The following CXCL13 variants were observed in gnomAD, a reference collection of about 807,000 sequenced individuals.
CXCL13 encodes the protein C-X-C motif chemokine 13.
In CXCL13, 7 loss-of-function variants were observed where a neutral mutation model predicts 12.2. The ratio of observed to expected loss-of-function variants is 0.57; its 90% CI spans 0.33 to 1.07. The LOEUF is 1.07. CXCL13 is among the 50% of genes least tolerant of loss of function. The probability of loss-of-function intolerance (pLI) is 0.04; values close to 1 mark genes in which losing one functional copy is unlikely to be tolerated. For missense variants in CXCL13, 113 were observed against 127.4 expected, an observed-to-expected ratio of 0.89 and a Z score of 0.55; for synonymous variants, 47 against 42.4, an observed-to-expected ratio of 1.11 and a Z score of -0.42.
chr4:77,597,870 G>A (rs1318616522), intron 1 of CXCL13, among the ~76,000 whole-genome samples: 1 of 152,212 alleles, frequency 6.6e-6, no homozygotes, highest in East Asian at 1.9e-4. Flanking sequence ...GAAATGAAAA[G>A]ACTAGGAGAG....
At chr4:77,524,412 G>C (rs377064757) in intron 1 of CXCL13, among the ~76,000 whole-genome samples, 4 of 152,342 alleles carry the variant, frequency 2.6e-5, no homozygotes, top group Middle Eastern at 3.4e-3. Flanking sequence ...CAGCCACTTT[G>C]TTTACCTACT....
intron 1 of CXCL13, among the ~76,000 whole-genome samples, chr4:77,519,986 T>G (rs1476476799): frequency 5.9e-5 from 9 of 152,334 alleles, no homozygotes; most frequent in Non-Finnish European, 1.2e-4. Flanking sequence ...TTTCTCCATT[T>G]CTTGTTTTTG....
chr4:77,579,298 G>A (rs1268744168), intron 1 of CXCL13, among the ~76,000 whole-genome samples: 2 of 152,182 alleles, frequency 1.3e-5, no homozygotes, highest in Non-Finnish European at 2.9e-5. Context: ...AGGCTCTTAA[G>A]GAGTCAATCT....
intron 1 of CXCL13, among the ~76,000 whole-genome samples, chr4:77,549,288 C>A (rs945374285): frequency 1.3e-5 from 2 of 152,148 alleles, no homozygotes; most frequent in African/African-American, 4.8e-5. Flanking sequence ...AGAATATGTT[C>A]CTTTAGCTCG....
At chr4:77,575,038 A>G (rs1328446623) in intron 1 of CXCL13, among the ~76,000 whole-genome samples, 1 of 151,998 alleles carries the variant, frequency 6.6e-6, no homozygotes, top group Non-Finnish European at 1.5e-5. Context: ...TGTAAAAATT[A>G]GCTTGCAAAA....
intron 2 of CXCL13, 138 bp from the exon 3 acceptor site, chr4:77,610,462 CTACAAATCACCTAT>C (rs1331713403): frequency 1.6e-6 from 1 of 625,538 alleles, no homozygotes; most frequent in Non-Finnish European, 2.8e-6. Context: ...TGACCCCATA[CTACAAATCACCTAT>C]TCCAGATCCC....
chr4:77,549,450 G>A (rs1006482747), intron 1 of CXCL13, among the ~76,000 whole-genome samples: 3 of 152,164 alleles, frequency 2.0e-5, no homozygotes, highest in Non-Finnish European at 4.4e-5. Flanking sequence ...TTTCTGTTCT[G>A]GTTTCTCCCC....
chr4:77,513,654 A>G (rs910428396), intron 1 of CXCL13, among the ~76,000 whole-genome samples: 2 of 151,942 alleles, frequency 1.3e-5, no homozygotes, highest in African/African-American at 4.8e-5. Flanking sequence ...GGGTTTTACC[A>G]TGTTAGCCAG....
intron 1 of CXCL13, among the ~76,000 whole-genome samples, chr4:77,597,535 G>C (rs1018751805): frequency 6.6e-6 from 1 of 152,124 alleles, no homozygotes; most frequent in Non-Finnish European, 1.5e-5. Flanking sequence ...AAGGCAGGAA[G>C]GGGCCGCCTT....
At chr4:77,532,449 C>G (rs953309515) in intron 1 of CXCL13, among the ~76,000 whole-genome samples, 1 of 152,124 alleles carries the variant, frequency 6.6e-6, no homozygotes, top group East Asian at 1.9e-4. Flanking sequence ...TTGTGGGTAA[C>G]CTGACCTTTC....
intron 1 of CXCL13, among the ~76,000 whole-genome samples, chr4:77,542,833 G>C (rs554436495): frequency 2.0e-5 from 3 of 152,172 alleles, no homozygotes; most frequent in East Asian, 3.9e-4. Flanking sequence ...TTCTTTCTTT[G>C]TTGTGCCTTT....
chr4:77,549,915 G>A (rs1464533953), intron 1 of CXCL13, among the ~76,000 whole-genome samples: 1 of 152,218 alleles, frequency 6.6e-6, no homozygotes, highest in African/African-American at 2.4e-5. Context: ...AGTTTCTGTT[G>A]CCTTTTATTC....
intron 1 of CXCL13, among the ~76,000 whole-genome samples, chr4:77,548,917 T>C (rs1725439511): frequency 6.6e-6 from 1 of 152,230 alleles, no homozygotes; most frequent in Admixed American, 6.5e-5. Context: ...CTGGGTGATA[T>C]CCTGAAGAGT....
chr4:77,531,929 C>G (rs1044416491), intron 1 of CXCL13, among the ~76,000 whole-genome samples: 1 of 152,114 alleles, frequency 6.6e-6, no homozygotes, highest in African/African-American at 2.4e-5. Flanking sequence ...TATTTTGAGC[C>G]TATGTGTGTC....
intron 1 of CXCL13, among the ~76,000 whole-genome samples, chr4:77,560,607 C>T (rs1725789576): frequency 6.6e-6 from 1 of 152,154 alleles, no homozygotes; most frequent in Admixed American, 6.5e-5. Context: ...TTAGGTATTC[C>T]AGACCAGAAT....
At chr4:77,591,059 A>T (rs1307203369) in intron 1 of CXCL13, among the ~76,000 whole-genome samples, 3 of 152,178 alleles carry the variant, frequency 2.0e-5, no homozygotes, top group Non-Finnish European at 2.9e-5. Context: ...TTGTATTTTT[A>T]GTAGAGACAG....
At chr4:77,523,950 C>T (rs1305135892) in intron 1 of CXCL13, among the ~76,000 whole-genome samples, 2 of 151,808 alleles carry the variant, frequency 1.3e-5, no homozygotes, top group African/African-American at 4.9e-5. Context: ...GTTAGTTTTC[C>T]TTCTAACAGT....
In CXCL13 at chr4:77,610,569, G is replaced by A. The variant is rs183058636; in HGVS notation, c.198-45G>A. 5,921 of 1,376,210 alleles carry A rather than the reference G, an allele frequency of 4.3e-3. 25 individuals are homozygous for A. Among genetic ancestry groups the A allele is most frequent in the Non-Finnish European group, 4.7e-3 (4,566 of 965,746 alleles). 85.2% of individuals were successfully genotyped at this position (1,376,210 alleles called of 1,614,324 possible). A position where few individuals can be genotyped will look rare whatever the true frequency, so the allele number is the denominator to read the frequency against. The stretch of plus-strand genomic sequence containing the variant: ...TTTTCTTTATTAAAAGTATAGGATT[G>A]ACTAAAATGTAAGACTGAATTATTT... On this transcript the variant is annotated intron_variant, in intron 2 of 3. Coordinates refer to ENST00000682537, the MANE Select transcript of CXCL13 (RefSeq NM_001371558.1).
intron 1 of CXCL13, among the ~76,000 whole-genome samples, chr4:77,542,236 T>G (rs1560520339): frequency 6.6e-6 from 1 of 152,094 alleles, no homozygotes; most frequent in Admixed American, 6.6e-5. Context: ...CTTAGACTTT[T>G]GGAACTATGT....
Sources: allele counts gnomAD v4.1 joint callset (sites outside exome capture counted in the v4.1 genomes callset), GRCh38; gene constraint gnomAD v4.1.1; transcripts MANE v1.5; gene names NCBI Gene and HGNC (gene_info 2026-07-23, HGNC 2026-07-21).